The following DCAF8 variants were observed in gnomAD, a reference collection of about 807,000 sequenced individuals.
DCAF8 encodes DDB1- and CUL4-associated factor 8.
DCAF8 carries 20 observed loss-of-function variants against 68.0 expected under a neutral mutation model. That is an observed-to-expected ratio of 0.29 (90% confidence interval 0.21 to 0.43). The LOEUF is 0.43. Ranked by LOEUF, DCAF8 falls within the 20% of genes least tolerant of loss-of-function variation. The pLI is 1.00. For missense variants in DCAF8, 460 were observed against 771.0 expected, an observed-to-expected ratio of 0.60 and a Z score of 4.78; for synonymous variants, 230 against 276.9, an observed-to-expected ratio of 0.83 and a Z score of 1.68.
intron 2 of DCAF8, among the ~76,000 whole-genome samples, chr1:160,246,383 T>G (rs1203157815): frequency 6.6e-6 from 1 of 152,102 alleles, no homozygotes; most frequent in African/African-American, 2.4e-5. Context: ...CTCTAGAAAA[T>G]ACATGTGCAC....
At chr1:160,246,623 T>C (rs1656350896) in intron 2 of DCAF8, among the ~76,000 whole-genome samples, 2 of 152,114 alleles carry the variant, frequency 1.3e-5, no homozygotes, top group South Asian at 4.1e-4. Flanking sequence ...GAGACCCTTG[T>C]CTCTATAAAT....
At chr1:160,247,930 C>T (rs1325433415) in intron 2 of DCAF8, among the ~76,000 whole-genome samples, 1 of 152,102 alleles carries the variant, frequency 6.6e-6, no homozygotes, top group African/African-American at 2.4e-5. Flanking sequence ...ACCTTTGTGA[C>T]CTTGGGTTAG....
At position 160,256,072 on chromosome 1, in the gene DCAF8, G is replaced by C. The variant is rs567889492; in HGVS notation, c.-27+5213C>G. Among the ~76,000 whole-genome samples the C allele has an allele frequency of 4.2e-5, 5 of 119,162 alleles. No individual in the cohort carries two copies. The East Asian group carries it at 1.3e-3, about 30-fold the overall frequency. The allele number at this position is 119,162 out of a possible 152,430, so 78.2% of individuals were successfully genotyped here. On this transcript the variant is annotated intron_variant, in intron 2 of 13. Transcript: ENST00000368074. ...CAAGGTCTTGCTATGTTGCCAGCCT[G>C]AAACTCCTGGGCTCAAGCAGTCCTC... is the stretch of plus-strand genomic sequence containing the variant.
At chr1:160,256,577 G>GAA (rs60860476) in intron 2 of DCAF8, among the ~76,000 whole-genome samples, 5 of 146,194 alleles carry the variant, frequency 3.4e-5, no homozygotes, top group African/African-American at 1.2e-4. Context: ...AAGCCAGGAA[G>GAA]AAAAAAAAAA....
At position 160,246,411 on chromosome 1, in the gene DCAF8, A is replaced by T. The variant is rs529558149; in HGVS notation, c.-26-2377T>A. Among the ~76,000 whole-genome samples the T allele has an allele frequency of 8.5e-5, 13 of 152,338 alleles. 1 individual carries two copies. The South Asian group carries it at 2.7e-3, about 32-fold the overall frequency. Reference sequence around the variant, plus strand: ...ATGTGCACAGATGATAAAAGTAAGTAGAATTAAATGTCAAAATTTCTGCAG... The same window carrying T: ...ATGTGCACAGATGATAAAAGTAAGTTGAATTAAATGTCAAAATTTCTGCAG... On this transcript the variant is annotated intron_variant, in intron 2 of 13. Coordinates refer to ENST00000368074, the MANE Select transcript of DCAF8 (RefSeq NM_015726.4).
In DCAF8 at chr1:160,236,356, ATG is replaced by A. The variant is rs557971666; in HGVS notation, c.959+777_959+778del. Among the ~76,000 whole-genome samples the A allele has an allele frequency of 1.2e-3, 185 of 151,420 alleles. 1 individual carries two copies. The South Asian group carries it at 0.015, about 12-fold the overall frequency. Reference sequence around the variant, plus strand: ...CATATGTGTGTATATGTGTGTACATATGTGTGTATATAAACATATATGTGTGT... The same window carrying A: ...CATATGTGTGTATATGTGTGTACATATGTGTATATAAACATATATGTGTGT... On this transcript the variant is annotated intron_variant, in intron 6 of 13. Coordinates refer to ENST00000368074, the MANE Select transcript of DCAF8 (RefSeq NM_015726.4).
intron 13 of DCAF8, chr1:160,218,120 G>A: frequency 1.6e-6 from 1 of 628,206 alleles, no homozygotes; most frequent in Non-Finnish European, 2.9e-6. Context: ...ATTACACATG[G>A]ACGGCAATGG....
intron 6 of DCAF8, among the ~76,000 whole-genome samples, chr1:160,235,144 T>G (rs372392042): frequency 2.6e-5 from 4 of 151,418 alleles, no homozygotes; most frequent in East Asian, 1.9e-4. Context: ...TAATTTTGGT[T>G]TTTTTTTTTG....
At chr1:160,252,159 A>G (rs1656623869) in intron 2 of DCAF8, among the ~76,000 whole-genome samples, 1 of 152,208 alleles carries the variant, frequency 6.6e-6, no homozygotes, top group African/African-American at 2.4e-5. Context: ...CTGTTACACA[A>G]CAGCATTGGT....
intron 6 of DCAF8, among the ~76,000 whole-genome samples, chr1:160,235,142 GT>G (rs200586987): frequency 7.5e-5 from 11 of 146,236 alleles, no homozygotes; most frequent in Non-Finnish European, 9.1e-5. Flanking sequence ...AATAATTTTG[GT>G]TTTTTTTTTT....
At chr1:160,238,474 A>G (rs1655969904) in intron 5 of DCAF8, 133 bp downstream of exon 5, 10 of 1,041,820 alleles carry the variant, frequency 9.6e-6, no homozygotes, top group Non-Finnish European at 1.3e-5. Flanking sequence ...CTTAACCACA[A>G]ATCTTAGGAC....
chr1:160,224,986 C>T, intron 9 of DCAF8, 76 bp downstream of exon 9: 1 of 1,402,384 alleles, frequency 7.1e-7, no homozygotes, highest in East Asian at 2.3e-5. Context: ...CACTGGAGGG[C>T]ACATGCCTCA....
At chr1:160,259,290 T>G (rs1656961614) in intron 2 of DCAF8, among the ~76,000 whole-genome samples, 1 of 152,158 alleles carries the variant, frequency 6.6e-6, no homozygotes, top group African/African-American at 2.4e-5. Flanking sequence ...ATCCTAGCAC[T>G]TTGGGAGGCT....
rs927892231 is a variant in DCAF8 at position 160,257,523 on chromosome 1, C to G, written c.-27+3762G>C. On this transcript the variant is annotated intron_variant, in intron 2 of 13. Coordinates refer to ENST00000368074, the MANE Select transcript of DCAF8 (RefSeq NM_015726.4). Reference sequence around the variant, plus strand: ...CTGATAGAATACAAGACTTAGAGCACGAAACTCAAGATCCCAGTCTTTCAC... The same window carrying G: ...CTGATAGAATACAAGACTTAGAGCAGGAAACTCAAGATCCCAGTCTTTCAC... 3.9e-5 allele frequency among the ~76,000 whole-genome samples: 6 copies of G among 152,168 alleles called. No individual in the cohort carries two copies. In the South Asian group the frequency reaches 1.2e-3, roughly 31 times the overall value.
intron 11 of DCAF8, 129 bp downstream of exon 11, chr1:160,222,522 T>C (rs1369370327): frequency 9.0e-6 from 12 of 1,327,558 alleles, no homozygotes; most frequent in Non-Finnish European, 1.2e-5. Flanking sequence ...CTAACTAGTC[T>C]TTTATGGCTG....
chr1:160,252,090 T>C (rs546615857), intron 2 of DCAF8, among the ~76,000 whole-genome samples: 3 of 152,302 alleles, frequency 2.0e-5, no homozygotes, highest in Admixed American at 1.3e-4. Flanking sequence ...AGGCTACTCA[T>C]TTTTATACAA....
Position 160,222,648 on chromosome 1 carries a change from C to T in DCAF8, c.1440+3G>A, listed in dbSNP as rs964120621. 1.9e-5 allele frequency: 31 copies of T among 1,614,080 alleles called. No individual in the cohort carries two copies. The highest frequency in any genetic ancestry group is 2.5e-5 in the Non-Finnish European group (30 of 1,179,966). On this transcript the variant is annotated splice_donor_region_variant and intron_variant, in intron 11 of 13. Transcript: ENST00000368074. The stretch of plus-strand genomic sequence containing the variant: ...GCCAGCCAGCTCAGCACACCATACT[C>T]ACCACGCCTCCCTTGTCCCCCTCCA...
chr1:160,224,963 G>A, intron 9 of DCAF8, 99 bp downstream of exon 9: 1 of 1,137,488 alleles, frequency 8.8e-7, no homozygotes, highest in Non-Finnish European at 1.3e-6. Context: ...TGGAGCTATA[G>A]CACAGTGGTG....
chr1:160,260,871 G>A (rs953758069), intron 2 of DCAF8, among the ~76,000 whole-genome samples: 1 of 152,080 alleles, frequency 6.6e-6, no homozygotes, highest in Non-Finnish European at 1.5e-5. Flanking sequence ...AATACCAAGG[G>A]ATGACAACCC....
Sources: gnomAD v4.1 joint callset for allele counts (sites outside exome capture counted in the v4.1 genomes callset) on GRCh38, gnomAD v4.1.1 for gene constraint, MANE v1.5 for transcripts, NCBI Gene and HGNC (gene_info 2026-07-23, HGNC 2026-07-21) for gene names.